Variants in CPNE4 observed in about 807,000 individuals in gnomAD.
CPNE4 encodes the protein copine 4.
Under a neutral mutation model 67.9 loss-of-function variants are expected in CPNE4, and 25 were observed. That is an observed-to-expected ratio of 0.37 (90% CI 0.27 to 0.51). The LOEUF (loss-of-function observed/expected upper bound fraction) is 0.51. Among genes scored for constraint, CPNE4 ranks in the 20% least tolerant of loss-of-function variants. The pLI, the probability that CPNE4 is intolerant of heterozygous loss-of-function variation, is 0.93. For synonymous variants in CPNE4, 242 were observed against 244.9 expected, an observed-to-expected ratio of 0.99 and a Z score of 0.11; for missense variants, 464 against 690.8, an observed-to-expected ratio of 0.67 and a Z score of 3.68.
chr3:131,546,130 A>G (rs187246487), intron 14 of CPNE4, among the ~76,000 whole-genome samples: 27 of 152,286 alleles, frequency 1.8e-4, no homozygotes, highest in Admixed American at 1.4e-3. Context: ...TATGAACTTT[A>G]TCAGCTGCTA....
At chr3:131,828,912 C>G (rs979987993) in intron 2 of CPNE4, among the ~76,000 whole-genome samples, 16 of 152,168 alleles carry the variant, frequency 1.1e-4, no homozygotes, top group Non-Finnish European at 2.1e-4. Context: ...TCTTTGAACA[C>G]TGTATTAGTC....
chr3:131,798,319 A>G (rs1401226007), intron 2 of CPNE4, among the ~76,000 whole-genome samples: 1 of 152,148 alleles, frequency 6.6e-6, no homozygotes, highest in Admixed American at 6.6e-5. Flanking sequence ...GTATCTGCCA[A>G]TTAAGATGTA....
chr3:131,843,479 TGTGA>T (rs2085875155), intron 2 of CPNE4, among the ~76,000 whole-genome samples: 2 of 152,160 alleles, frequency 1.3e-5, no homozygotes, highest in Admixed American at 6.5e-5. Context: ...ACATTGAAAG[TGTGA>T]GTATTTATTA....
intron 1 of CPNE4, among the ~76,000 whole-genome samples, chr3:131,940,300 G>C (rs2107854555): frequency 6.6e-6 from 1 of 152,164 alleles, no homozygotes; most frequent in South Asian, 2.1e-4. Context: ...TACTAAACTG[G>C]AAATATAGTA....
intron 2 of CPNE4, among the ~76,000 whole-genome samples, chr3:131,843,991 A>G (rs1283705924): frequency 6.6e-6 from 1 of 152,176 alleles, no homozygotes; most frequent in Non-Finnish European, 1.5e-5. Flanking sequence ...CTGCTAGAAG[A>G]TGTGGGAAGC....
At chr3:131,787,458 T>A (rs1207222906) in intron 2 of CPNE4, among the ~76,000 whole-genome samples, 1 of 152,116 alleles carries the variant, frequency 6.6e-6, no homozygotes, top group Non-Finnish European at 1.5e-5. Flanking sequence ...ACAAGGCTTT[T>A]TATATCCCAG....
chr3:131,871,697 T>A (rs1040950287), intron 2 of CPNE4, among the ~76,000 whole-genome samples: 1 of 152,122 alleles, frequency 6.6e-6, no homozygotes, highest in African/African-American at 2.4e-5. Flanking sequence ...GTGGAAAAAA[T>A]AAGGATGTGG....
chr3:131,542,949 G>C, intron 14 of CPNE4, 156 bp from the exon 15 acceptor site: 2 of 605,730 alleles, frequency 3.3e-6, no homozygotes, highest in South Asian at 2.0e-5. Context: ...AGTCCTAAAG[G>C]CTTAGGGTTC....
Position 131,624,396 on chromosome 3 carries a change from C to T in CPNE4, c.682-36814G>A, listed in dbSNP as rs560266181. On this transcript the variant is annotated intron_variant, in intron 7 of 15. Coordinates refer to ENST00000429747, the MANE Select transcript of CPNE4 (RefSeq NM_130808.3). ...TCACCAGAAATTGCCAGGGTCATAC[C>T]TTGGGGAGAAGTAACTTGTCCTTGC... 3.8e-3 allele frequency among the ~76,000 whole-genome samples: 578 copies of T among 152,224 alleles called. 3 individuals are homozygous for T. Among genetic ancestry groups the T allele is most frequent in the African/African-American group, 0.013 (528 of 41,534 alleles).
intron 2 of CPNE4, among the ~76,000 whole-genome samples, chr3:131,776,867 G>A (rs900688431): frequency 6.6e-6 from 1 of 152,106 alleles, no homozygotes; most frequent in African/African-American, 2.4e-5. Context: ...GATATTTAGG[G>A]AGACCTGGCA....
At chr3:131,595,904 T>C (rs1198486719) in intron 7 of CPNE4, among the ~76,000 whole-genome samples, 1 of 152,192 alleles carries the variant, frequency 6.6e-6, no homozygotes, top group African/African-American at 2.4e-5. Flanking sequence ...AAATACTGCA[T>C]GATTCCACTT....
chr3:131,951,320 T>G (rs899117984), intron 1 of CPNE4, among the ~76,000 whole-genome samples: 1 of 151,400 alleles, frequency 6.6e-6, no homozygotes, highest in Non-Finnish European at 1.5e-5. Context: ...GGGTTCACTA[T>G]TGATTTTTTA....
At chr3:131,716,540 G>C (rs2081691196) in intron 3 of CPNE4, among the ~76,000 whole-genome samples, 1 of 152,072 alleles carries the variant, frequency 6.6e-6, no homozygotes, top group Non-Finnish European at 1.5e-5. Flanking sequence ...TACTCGCCCA[G>C]GACGTAGGTG....
chr3:131,926,942 G>A (rs2070912506), intron 1 of CPNE4, among the ~76,000 whole-genome samples: 1 of 152,074 alleles, frequency 6.6e-6, no homozygotes, highest in Non-Finnish European at 1.5e-5. Context: ...AATAAGAGAG[G>A]GGTACAGAAT....
chr3:131,792,845 A>G (rs1430370982), intron 2 of CPNE4, among the ~76,000 whole-genome samples: 2 of 147,990 alleles, frequency 1.4e-5, no homozygotes, highest in Non-Finnish European at 3.0e-5. Context: ...GTGTGTGTAT[A>G]TACATACATA....
intron 11 of CPNE4, among the ~76,000 whole-genome samples, chr3:131,559,962 T>A (rs1027217096): frequency 6.6e-6 from 1 of 152,068 alleles, no homozygotes; most frequent in African/African-American, 2.4e-5. Context: ...CAGATTTCAG[T>A]GAAAAAATGT....
In CPNE4 at chr3:131,822,815, T is replaced by C. The variant is rs574117214; in HGVS notation, c.180+82449A>G. Among the ~76,000 whole-genome samples the C allele has an allele frequency of 8.5e-5, 13 of 152,280 alleles. No homozygotes were observed. The East Asian group carries it at 2.5e-3, about 29-fold the overall frequency. ...AAGGAGGCAGAAATAAGTGGCAATG[T>C]ACACTTCTTTCCTTTTTATTTTATT... is the stretch of plus-strand genomic sequence containing the variant. On this transcript the variant is annotated intron_variant, in intron 2 of 15. Coordinates refer to ENST00000429747, the MANE Select transcript of CPNE4 (RefSeq NM_130808.3).
chr3:131,895,046 C>A (rs1363513907), intron 2 of CPNE4, among the ~76,000 whole-genome samples: 1 of 152,030 alleles, frequency 6.6e-6, no homozygotes, highest in Non-Finnish European at 1.5e-5. Context: ...GGAGTGAAAT[C>A]TTGTTATTTG....
Position 131,876,673 on chromosome 3 carries a change from C to T in CPNE4, c.180+28591G>A, listed in dbSNP as rs1033658552. 4.4e-4 allele frequency among the ~76,000 whole-genome samples: 59 copies of T among 134,802 alleles called. 1 individual carries two copies. Among genetic ancestry groups the T allele is most frequent in the Admixed American group, 7.6e-4 (10 of 13,184 alleles). The allele number at this position is 134,802 out of a possible 152,430, so 88.4% of individuals were successfully genotyped here. ...AAAAAAAAAGAAAGAAAGAAAGAGA[C>T]ATTCTTTTTCTCTGTTTCATTGAGT... On this transcript the variant is annotated intron_variant, in intron 2 of 15. Transcript: ENST00000429747.
Sources: gnomAD v4.1 joint callset for allele counts (sites outside exome capture counted in the v4.1 genomes callset) on GRCh38, gnomAD v4.1.1 for gene constraint, MANE v1.5 for transcripts, NCBI Gene and HGNC (gene_info 2026-07-23, HGNC 2026-07-21) for gene names.